Variants in PUS10 observed in about 807,000 individuals in gnomAD.
The protein encoded by PUS10 is pseudouridine synthase 10.
Under a neutral mutation model 75.0 loss-of-function variants are expected in PUS10, and 59 were observed. The observed-to-expected ratio is 0.79, with a 90% CI of 0.64 to 0.98. PUS10 has a LOEUF of 0.98. PUS10 is among the 50% of genes least tolerant of loss of function. The probability of loss-of-function intolerance (pLI) is 0.00; values close to 1 mark genes in which losing one functional copy is unlikely to be tolerated. For missense variants in PUS10, 650 were observed against 614.4 expected, an observed-to-expected ratio of 1.06 and a Z score of -0.61; for synonymous variants, 219 against 211.6, an observed-to-expected ratio of 1.03 and a Z score of -0.30.
At chr2:61,006,219 C>T (rs1227885079) in intron 4 of PUS10, among the ~76,000 whole-genome samples, 1 of 152,132 alleles carries the variant, frequency 6.6e-6, no homozygotes, top group East Asian at 1.9e-4. Flanking sequence ...TGCACATATC[C>T]ACCTCAAAAG....
rs1164804580 is a variant in PUS10 at position 60,990,467 on chromosome 2, A to G, written c.468+16090T>C. On this transcript the variant is annotated intron_variant, in intron 4 of 17. Coordinates refer to ENST00000316752, the MANE Select transcript of PUS10 (RefSeq NM_144709.4). The stretch of plus-strand genomic sequence containing the variant: ...GTCAGAAGAGAGAGAGGGAATCCTG[A>G]TAAGCCCTATGTTTTGGCTGAAACC... Among the ~76,000 whole-genome samples the G allele has an allele frequency of 2.6e-5, 4 of 152,330 alleles. No individual in the cohort carries two copies. The East Asian group carries it at 5.8e-4, about 22-fold the overall frequency.
intron 4 of PUS10, 144 bp from the exon 5 acceptor site, chr2:60,971,701 AC>A (rs1676672630): frequency 1.4e-6 from 1 of 736,818 alleles, no homozygotes; most frequent in African/African-American, 1.7e-5. Flanking sequence ...TCAAAAATTT[AC>A]CAGTGACCTC....
intron 4 of PUS10, among the ~76,000 whole-genome samples, chr2:60,972,894 A>C (rs1676774489): frequency 6.6e-6 from 1 of 152,246 alleles, no homozygotes; most frequent in Admixed American, 6.5e-5. Flanking sequence ...AGAATAAATT[A>C]ACCGCTAACT....
intron 11 of PUS10, among the ~76,000 whole-genome samples, chr2:60,959,397 T>C (rs1431287010): frequency 6.6e-6 from 1 of 152,162 alleles, no homozygotes; most frequent in Non-Finnish European, 1.5e-5. Flanking sequence ...TCAAATTTAT[T>C]TTTTATTTTT....
At chr2:61,015,355 C>G (rs1040362423) in intron 1 of PUS10, among the ~76,000 whole-genome samples, 1 of 151,998 alleles carries the variant, frequency 6.6e-6, no homozygotes, top group South Asian at 2.1e-4. Context: ...CAAAAATTAG[C>G]CACGTGTGGA....
chr2:61,017,553 A>G (rs548155765), intron 1 of PUS10: 3 of 549,194 alleles, frequency 5.5e-6, no homozygotes, highest in African/African-American at 3.8e-5. Context: ...GGGCAAATAC[A>G]AAGAGCGTGT....
At chr2:60,996,279 T>C (rs1249351880) in intron 4 of PUS10, among the ~76,000 whole-genome samples, 8 of 152,210 alleles carry the variant, frequency 5.3e-5, no homozygotes. Context: ...CTTCTGATTG[T>C]ACATGCCAAC....
At chr2:60,986,057 G>A (rs1250431276) in intron 4 of PUS10, among the ~76,000 whole-genome samples, 1 of 151,892 alleles carries the variant, frequency 6.6e-6, no homozygotes, top group Non-Finnish European at 1.5e-5. Context: ...GGGTTGGGGA[G>A]GATTTACCTT....
Position 61,011,864 on chromosome 2 carries a change from C to T in PUS10, c.27G>A (p.Lys9=). 4 of 1,605,908 alleles carry T rather than the reference C, an allele frequency of 2.5e-6. No individual in the cohort carries two copies. Among genetic ancestry groups the T allele is most frequent in the Non-Finnish European group, 3.4e-6 (4 of 1,176,864 alleles). Residue 9 remains lysine (K), a synonymous_variant, in exon 2 of 18, where the codon AAG becomes AAA. Coordinates refer to ENST00000316752, the MANE Select transcript of PUS10 (RefSeq NM_144709.4). The stretch of plus-strand genomic sequence containing the variant: ...TATTGAGCAACAACTGGGCCACATG[C>T]TTGTTTTCCTCAGTCAGTGGGAACA... MFPLTEEN[K]HVAQLLLNTG...
chr2:60,991,224 C>T (rs961693884), intron 4 of PUS10, among the ~76,000 whole-genome samples: 1 of 152,068 alleles, frequency 6.6e-6, no homozygotes, highest in African/African-American at 2.4e-5. Flanking sequence ...GGATATTCTT[C>T]ATGCAGAAGA....
intron 4 of PUS10, among the ~76,000 whole-genome samples, chr2:60,983,297 A>G (rs1173597131): frequency 6.6e-6 from 1 of 152,252 alleles, no homozygotes; most frequent in African/African-American, 2.4e-5. Flanking sequence ...TACAAAATAG[A>G]TAAAAGGAGA....
intron 4 of PUS10, among the ~76,000 whole-genome samples, chr2:60,994,371 A>G (rs540055324): frequency 3.4e-4 from 50 of 148,178 alleles, no homozygotes; most frequent in African/African-American, 1.2e-3. Flanking sequence ...ACATGCATCA[A>G]TCTTCCTCAG....
intron 9 of PUS10, among the ~76,000 whole-genome samples, chr2:60,962,523 G>C (rs1450862267): frequency 6.6e-6 from 1 of 152,060 alleles, no homozygotes. Flanking sequence ...GCAGTGAGCC[G>C]AGACTGCTCC....
At chr2:60,991,879 C>A (rs959361613) in intron 4 of PUS10, among the ~76,000 whole-genome samples, 1 of 152,104 alleles carries the variant, frequency 6.6e-6, no homozygotes, top group African/African-American at 2.4e-5. Flanking sequence ...TGTGCACAGA[C>A]CATATGACCT....
intron 4 of PUS10, among the ~76,000 whole-genome samples, chr2:60,982,514 C>T (rs1211625612): frequency 1.3e-5 from 2 of 152,114 alleles, no homozygotes; most frequent in Non-Finnish European, 2.9e-5. Flanking sequence ...CCATCTGCCT[C>T]AGCCTCCCAA....
chr2:60,972,483 G>GA (rs538758906), intron 4 of PUS10, among the ~76,000 whole-genome samples: 76 of 151,226 alleles, frequency 5.0e-4, no homozygotes, highest in African/African-American at 1.8e-3. Flanking sequence ...AAAAAAAAAA[G>GA]AAAAAAAAGA....
chr2:60,967,413 G>T (rs1676403436), intron 6 of PUS10, 89 bp downstream of exon 6: 5 of 853,374 alleles, frequency 5.9e-6, no homozygotes, highest in Non-Finnish European at 9.3e-6. Context: ...TTAAAAAGAA[G>T]TTTTTTTGGC....
intron 4 of PUS10, among the ~76,000 whole-genome samples, chr2:61,003,656 C>G (rs144242130): frequency 2.0e-5 from 3 of 151,312 alleles, no homozygotes; most frequent in East Asian, 2.0e-4. Context: ...GCAATCCCCC[C>G]ACCTTGGTCT....
chr2:61,008,694 G>A (rs2104711999), intron 3 of PUS10, 67 bp downstream of exon 3: 1 of 1,259,218 alleles, frequency 7.9e-7, no homozygotes, highest in Non-Finnish European at 1.1e-6. Flanking sequence ...AAAGAAAAAA[G>A]AATTCTTGGT....
Sources: gnomAD v4.1 joint callset for allele counts (sites outside exome capture counted in the v4.1 genomes callset) on GRCh38, gnomAD v4.1.1 for gene constraint, MANE v1.5 for transcripts, NCBI Gene and HGNC (gene_info 2026-07-23, HGNC 2026-07-21) for gene names.